NBPF3: variants seen among roughly 807,000 people sequenced by gnomAD.
NBPF3 encodes NBPF family member NBPF3.
A neutral mutation model predicts 78.1 loss-of-function variants in NBPF3; 57 were observed. That is an observed-to-expected ratio of 0.73 (90% confidence interval 0.59 to 0.91). NBPF3 has a LOEUF of 0.91. NBPF3 is among the 40% of genes least tolerant of loss of function. NBPF3 has a pLI of 0.00. For synonymous variants in NBPF3, 182 were observed against 271.7 expected (o/e 0.67, Z 3.25); for missense variants, 510 against 715.3 (o/e 0.71, Z 3.27).
chr1:21,444,683 G>A (rs1325155590), intron 1 of NBPF3, among the ~76,000 whole-genome samples: 3 of 152,008 alleles, frequency 2.0e-5, no homozygotes, highest in African/African-American at 7.2e-5. Flanking sequence ...TCAGCCTCCC[G>A]AGTAGCTGGG....
rs575381401 is a variant in NBPF3 at position 21,476,642 on chromosome 1, A to AT, written c.993-1501dup. On this transcript the variant is annotated intron_variant, in intron 8 of 14. Transcript: ENST00000318249. The surrounding 1 kb of genome is among the most constrained non-coding windows in gnomAD (Gnocchi z 4.1). ...TGGCTTGTAGGGTTTCTGCAGAGAG[A>AT]TCCACTGTTAGTCTGGTGGGCTTCC... Among the ~76,000 whole-genome samples, 58 of 152,294 alleles carry AT rather than the reference A, an allele frequency of 3.8e-4. 2 individuals are homozygous for AT. In the South Asian group the frequency reaches 9.1e-3, roughly 24 times the overall value.
chr1:21,450,312 C>T (rs1481350419), intron 2 of NBPF3, among the ~76,000 whole-genome samples: 13 of 152,186 alleles, frequency 8.5e-5, no homozygotes, highest in African/African-American at 3.1e-4. Context: ...TCCTCCTTAC[C>T]TGTCTTTTCC....
At chr1:21,459,517 C>T (rs1253867380) in intron 2 of NBPF3, among the ~76,000 whole-genome samples, 1 of 152,156 alleles carries the variant, frequency 6.6e-6, no homozygotes, top group Non-Finnish European at 1.5e-5. Flanking sequence ...GTCTGTCCAT[C>T]TATCCCTGGC....
At chr1:21,466,882 C>G in intron 2 of NBPF3, 1 of 594,008 alleles carries the variant, frequency 1.7e-6, no homozygotes, top group South Asian at 7.4e-5. Context: ...GAGCAAAATG[C>G]CTTGTACGAA....
At position 21,445,195 on chromosome 1, in the gene NBPF3, C is replaced by T; in HGVS notation, c.109C>T (p.His37Tyr). 6.2e-7 allele frequency: 1 copy of T among 1,611,864 alleles called. No individual in the cohort carries two copies. Among genetic ancestry groups the T allele is most frequent in the Non-Finnish European group, 8.5e-7 (1 of 1,179,798 alleles). ...AGCAGCCTCACATGGTGTGGGCCGACATCAAGAGCTGCGAGATCCAACAGG... is the reference window on the plus strand; with the variant it reads ...AGCAGCCTCACATGGTGTGGGCCGATATCAAGAGCTGCGAGATCCAACAGG... ...PRAASHGVGRHQELRDPTVPG... is the reference protein window; with the variant it reads ...PRAASHGVGRYQELRDPTVPG... Residue 37 changes from histidine (H) to tyrosine (Y), a missense_variant, in exon 2 of 15, where the codon CAT (histidine) becomes TAT (tyrosine). His to Tyr is a moderately conservative substitution (Grantham distance 83, BLOSUM62 2). Around this residue, in one of 5 missense-constraint regions of NBPF3, gnomAD observed 440 missense variants for 478.2 expected, o/e 0.92. Coordinates refer to ENST00000318249, the MANE Select transcript of NBPF3 (RefSeq NM_032264.6).
chr1:21,461,179 T>C (rs1373777944), intron 2 of NBPF3, among the ~76,000 whole-genome samples: 1 of 152,194 alleles, frequency 6.6e-6, no homozygotes, highest in Non-Finnish European at 1.5e-5. Flanking sequence ...TCCATTTTCT[T>C]CCCATTCACC....
upstream of NBPF3, among the ~76,000 whole-genome samples, chr1:21,439,968 T>C (rs1043519171): frequency 2.0e-5 from 3 of 152,182 alleles, no homozygotes; most frequent in African/African-American, 7.2e-5. Flanking sequence ...TCACCTAGGT[T>C]ACTCCTTTTC....
At chr1:21,470,402 T>C (rs1325162459) in intron 3 of NBPF3, among the ~76,000 whole-genome samples, 1 of 152,220 alleles carries the variant, frequency 6.6e-6, no homozygotes, top group Admixed American at 6.5e-5. Flanking sequence ...GGTTGAATCA[T>C]CTTGTCAACT....
chr1:21,442,357 A>G (rs1640703942), intron 1 of NBPF3: 1 of 152,122 alleles, frequency 6.6e-6, no homozygotes, highest in Non-Finnish European at 1.5e-5. Context: ...TGGGACCTAC[A>G]GGGGAGTACC....
intron 2 of NBPF3, chr1:21,467,119 C>A (rs1642315307): frequency 1.0e-6 from 1 of 985,072 alleles, no homozygotes; most frequent in East Asian, 1.1e-4. Context: ...GTCAGGTCTC[C>A]CAGATGCCAG....
intron 2 of NBPF3, among the ~76,000 whole-genome samples, chr1:21,450,935 G>T (rs1216824376): frequency 6.6e-6 from 1 of 152,220 alleles, no homozygotes; most frequent in Non-Finnish European, 1.5e-5. Flanking sequence ...AGAAGTCAAT[G>T]ACCCAAAATA....
At chr1:21,472,183 C>T (rs766478345) in intron 5 of NBPF3, among the ~76,000 whole-genome samples, 10 of 152,168 alleles carry the variant, frequency 6.6e-5, no homozygotes, top group Non-Finnish European at 1.3e-4. Context: ...TTTATCCTTC[C>T]TGAGTTTCTC....
At chr1:21,445,564 C>T (rs750597384) in intron 2 of NBPF3, among the ~76,000 whole-genome samples, 1 of 148,632 alleles carries the variant, frequency 6.7e-6, no homozygotes, top group African/African-American at 2.5e-5. Flanking sequence ...ACCCTACTGT[C>T]CCCTTTCACC....
intron 2 of NBPF3, among the ~76,000 whole-genome samples, chr1:21,462,391 T>C (rs1641999710): frequency 6.6e-6 from 1 of 152,200 alleles, no homozygotes; most frequent in South Asian, 2.1e-4. Flanking sequence ...TTAAAATTTA[T>C]TAAGCTGTGC....
chr1:21,444,797 T>C (rs1358100680), intron 1 of NBPF3, 151 bp from the exon 2 acceptor site: 2 of 270,576 alleles, frequency 7.4e-6, no homozygotes, highest in East Asian at 1.6e-4. Flanking sequence ...TGATTACATA[T>C]GACAGAAACC....
Position 21,473,460 on chromosome 1 carries a change from A to C in NBPF3, c.815A>C (p.His272Pro), listed in dbSNP as rs767219979. The C allele has an allele frequency of 6.2e-7, 1 of 1,614,006 alleles. No individual in the cohort carries two copies. The highest frequency in any genetic ancestry group is 1.7e-5 in the Admixed American group (1 of 60,006). The change falls in exon 7 of 15, where the codon CAC becomes CCC. Residue 272 changes from histidine to proline, a missense_variant. Coordinates refer to ENST00000318249, the MANE Select transcript of NBPF3 (RefSeq NM_032264.6). ...GCCATCACTTGTTCAAATAGCCACC[A>C]CCCTTGTGAGTCCAACCAGCCTTAC... ...ECAITCSNSH[H>P]PCESNQPYGN...
rs1441387853 is a variant in NBPF3 at position 21,484,254 on chromosome 1, G to A, written c.*868G>A. ...TCACCACGAATCACACAACAAAAAG[G>A]AGGAGAGATATTTTGGGTTCAGAAG... is the stretch of plus-strand genomic sequence containing the variant. On this transcript the variant is annotated 3_prime_UTR_variant, in exon 15 of 15. Coordinates refer to ENST00000318249, the MANE Select transcript of NBPF3 (RefSeq NM_032264.6). The A allele has an allele frequency of 5.6e-5, 8 of 144,144 alleles. No individual in the cohort carries two copies. Among genetic ancestry groups the A allele is most frequent in the Non-Finnish European group, 1.2e-4 (8 of 65,858 alleles). The allele number at this position is 144,144 out of a possible 1,614,324, so 8.9% of individuals were successfully genotyped here.
intron 1 of NBPF3, among the ~76,000 whole-genome samples, chr1:21,443,443 A>G (rs1236557917): frequency 6.6e-6 from 1 of 152,164 alleles, no homozygotes; most frequent in Non-Finnish European, 1.5e-5. Context: ...AGTTTTTACA[A>G]TCTTCCTGTC....
intron 7 of NBPF3, among the ~76,000 whole-genome samples, chr1:21,474,530 A>C (rs1317853008): frequency 6.6e-6 from 1 of 152,140 alleles, no homozygotes; most frequent in Non-Finnish European, 1.5e-5. Flanking sequence ...TCATGTGTAG[A>C]TCCCTCTAAA....
Sources: allele counts gnomAD v4.1 joint callset (sites outside exome capture counted in the v4.1 genomes callset), GRCh38; gene constraint gnomAD v4.1.1; regional missense constraint gnomAD v4.1.1; non-coding constraint Gnocchi (gnomAD v3.1); transcripts MANE v1.5; gene names NCBI Gene and HGNC (gene_info 2026-07-23, HGNC 2026-07-21).